The following EXOC6B variants were observed in gnomAD, a reference collection of about 807,000 sequenced individuals.
EXOC6B encodes exocyst complex component 6B.
In EXOC6B, 54 loss-of-function variants were observed where a neutral mutation model predicts 113.5. The ratio of observed to expected loss-of-function variants is 0.48; its 90% CI spans 0.38 to 0.60. EXOC6B has a LOEUF of 0.60. Among genes scored for constraint, EXOC6B ranks in the 20% least tolerant of loss-of-function variants. The pLI, the probability that EXOC6B is intolerant of heterozygous loss-of-function variation, is 0.00. For synonymous variants in EXOC6B, 357 were observed against 339.0 expected (o/e 1.05, Z -0.58); for missense variants, 797 against 977.5 (o/e 0.82, Z 2.46).
At chr2:72,668,787 G>C (rs148752218) in intron 6 of EXOC6B, among the ~76,000 whole-genome samples, 2 of 152,274 alleles carry the variant, frequency 1.3e-5, no homozygotes, top group East Asian at 3.9e-4. Flanking sequence ...GAATGATAGG[G>C]GCAAGGGCTG....
At chr2:72,497,644 T>G (rs1199802378) in intron 13 of EXOC6B, among the ~76,000 whole-genome samples, 1 of 152,140 alleles carries the variant, frequency 6.6e-6, no homozygotes, top group African/African-American at 2.4e-5. Flanking sequence ...ACAGATAAAT[T>G]GGACTAAGTG....
At chr2:72,763,874 G>A (rs561113127) in intron 1 of EXOC6B, among the ~76,000 whole-genome samples, 7 of 152,002 alleles carry the variant, frequency 4.6e-5, no homozygotes, top group Admixed American at 6.6e-5. Flanking sequence ...TGAGCCCAGG[G>A]CTTTGAGACC....
intron 18 of EXOC6B, among the ~76,000 whole-genome samples, chr2:72,453,958 C>T (rs1558682055): frequency 6.6e-6 from 1 of 152,198 alleles, no homozygotes; most frequent in African/African-American, 2.4e-5. Flanking sequence ...CTTCATAGGA[C>T]AGCAGGAGAG....
chr2:72,463,738 G>T (rs923391674), intron 18 of EXOC6B: 1 of 152,176 alleles, frequency 6.6e-6, no homozygotes, highest in African/African-American at 2.4e-5. Flanking sequence ...CAGAGAAAAA[G>T]ACTCACTAGT....
At chr2:72,668,871 G>A (rs890714617) in intron 6 of EXOC6B, among the ~76,000 whole-genome samples, 10 of 152,082 alleles carry the variant, frequency 6.6e-5, no homozygotes, top group Admixed American at 2.0e-4. Flanking sequence ...TCAGAATGAC[G>A]CAATATACGT....
chr2:72,736,004 T>C (rs915256985), intron 2 of EXOC6B, among the ~76,000 whole-genome samples: 1 of 151,500 alleles, frequency 6.6e-6, no homozygotes, highest in Non-Finnish European at 1.5e-5. Flanking sequence ...GCCAACATGG[T>C]GAAACCCCCT....
intron 1 of EXOC6B, among the ~76,000 whole-genome samples, chr2:72,776,230 T>A (rs577963739): frequency 6.6e-6 from 1 of 152,246 alleles, no homozygotes; most frequent in South Asian, 2.1e-4. Context: ...AGAATAATAT[T>A]TTTATACTTT....
At chr2:72,724,852 C>A (rs1351824406) in intron 5 of EXOC6B, among the ~76,000 whole-genome samples, 1 of 151,972 alleles carries the variant, frequency 6.6e-6, no homozygotes, top group Non-Finnish European at 1.5e-5. Context: ...TCGAACACAG[C>A]CATAAAATCT....
At chr2:72,241,006 G>A (rs59421152) in intron 20 of EXOC6B, among the ~76,000 whole-genome samples, 13,843 of 152,090 alleles carry the variant, frequency 0.091, 1,635 homozygotes, top group African/African-American at 0.27. Context: ...CCAGTACTAG[G>A]GCAGAAAAAC....
At chr2:72,497,704 T>C (rs905515256) in intron 13 of EXOC6B, among the ~76,000 whole-genome samples, 1 of 152,144 alleles carries the variant, frequency 6.6e-6, no homozygotes, top group Non-Finnish European at 1.5e-5. Context: ...AAAGGACTAA[T>C]GTAAGATCTT....
chr2:72,423,488 G>A (rs951465945), intron 18 of EXOC6B, among the ~76,000 whole-genome samples: 1 of 152,156 alleles, frequency 6.6e-6, no homozygotes, highest in African/African-American at 2.4e-5. Flanking sequence ...ATTAAATAAT[G>A]TGTTTTTATG....
At chr2:72,187,349 G>T (rs562941898) in intron 20 of EXOC6B, among the ~76,000 whole-genome samples, 1 of 151,992 alleles carries the variant, frequency 6.6e-6, no homozygotes, top group South Asian at 2.1e-4. Flanking sequence ...AGCCATGTTT[G>T]TGTTACCCCA....
chr2:72,767,491 T>C (rs1027377848), intron 1 of EXOC6B, among the ~76,000 whole-genome samples: 1 of 151,900 alleles, frequency 6.6e-6, no homozygotes, highest in Non-Finnish European at 1.5e-5. Flanking sequence ...GTATGTGTTA[T>C]GTTTGTTGAC....
intron 6 of EXOC6B, among the ~76,000 whole-genome samples, chr2:72,599,941 A>G (rs1000761893): frequency 6.6e-6 from 1 of 152,202 alleles, no homozygotes; most frequent in Non-Finnish European, 1.5e-5. Context: ...TTAATAAGAA[A>G]ACTCAATATT....
intron 8 of EXOC6B, among the ~76,000 whole-genome samples, chr2:72,549,361 C>A (rs1015420943): frequency 6.6e-6 from 1 of 151,894 alleles, no homozygotes; most frequent in Non-Finnish European, 1.5e-5. Flanking sequence ...GATAAGGAGA[C>A]GATTTTCAAT....
intron 6 of EXOC6B, among the ~76,000 whole-genome samples, chr2:72,710,664 T>C (rs1176876131): frequency 6.6e-6 from 1 of 152,212 alleles, no homozygotes; most frequent in Non-Finnish European, 1.5e-5. Flanking sequence ...GGTGAATACA[T>C]GGTCTATGTG....
Position 72,650,944 on chromosome 2 carries a change from AC to A in EXOC6B, c.669+67158del, listed in dbSNP as rs1224888312. On this transcript the variant is annotated intron_variant, in intron 6 of 21. Coordinates refer to ENST00000272427, the MANE Select transcript of EXOC6B (RefSeq NM_015189.3). ...TGAGGCTACAGTGAGCTATGATCAC[AC>A]CACTGCACTCCAGCTAGGGTGAGAT... Among the ~76,000 whole-genome samples, 6 of 151,912 alleles carry A rather than the reference AC, an allele frequency of 3.9e-5. No homozygotes were observed. In the East Asian group the frequency reaches 1.2e-3, roughly 30 times the overall value.
chr2:72,720,908 T>C (rs1447165904), intron 5 of EXOC6B, among the ~76,000 whole-genome samples: 1 of 151,538 alleles, frequency 6.6e-6, no homozygotes, highest in Non-Finnish European at 1.5e-5. Flanking sequence ...GGAAAGCTTC[T>C]ATAAGCATAG....
At chr2:72,422,421 G>T (rs12989590) in intron 18 of EXOC6B, among the ~76,000 whole-genome samples, 1 of 150,424 alleles carries the variant, frequency 6.6e-6, no homozygotes, top group Non-Finnish European at 1.5e-5. Context: ...CTGGTCTGGT[G>T]GGGCCTTGGA....
Sources: gnomAD v4.1 joint callset for allele counts (sites outside exome capture counted in the v4.1 genomes callset) on GRCh38, gnomAD v4.1.1 for gene constraint, MANE v1.5 for transcripts, NCBI Gene and HGNC (gene_info 2026-07-23, HGNC 2026-07-21) for gene names.